The following CCDC38 variants were observed in gnomAD, a reference collection of about 807,000 sequenced individuals.
CCDC38 encodes the protein coiled-coil domain-containing protein 38.
Under a neutral mutation model 72.8 loss-of-function variants are expected in CCDC38, and 69 were observed. That is an observed-to-expected ratio of 0.95 (90% CI 0.78 to 1.16). The LOEUF (loss-of-function observed/expected upper bound fraction) is 1.16, where lower values mean the gene tolerates loss of function less well. CCDC38 is among the 50% of genes most tolerant of loss of function. CCDC38 has a pLI of 0.00. For missense variants in CCDC38, 626 were observed against 638.9 expected (o/e 0.98, Z 0.22); for synonymous variants, 201 against 213.2 (o/e 0.94, Z 0.50).
intron 5 of CCDC38, among the ~76,000 whole-genome samples, chr12:95,899,305 GT>G (rs1162036746): frequency 1.3e-5 from 2 of 152,050 alleles, no homozygotes; most frequent in Non-Finnish European, 2.9e-5. Flanking sequence ...TTTTTGTTTT[GT>G]TTTGTTTTTG....
At chr12:95,897,753 G>GT (rs1472146967) in intron 7 of CCDC38, among the ~76,000 whole-genome samples, 3 of 151,632 alleles carry the variant, frequency 2.0e-5, no homozygotes, top group Non-Finnish European at 4.4e-5. Flanking sequence ...ATAGATCTTA[G>GT]TTTTTTATTT....
intron 2 of CCDC38, among the ~76,000 whole-genome samples, chr12:95,931,372 C>G (rs1307504371): frequency 6.6e-6 from 1 of 152,216 alleles, no homozygotes; most frequent in Non-Finnish European, 1.5e-5. Flanking sequence ...CTTCCCATAT[C>G]AAGGTAATTA....
In CCDC38 at chr12:95,881,533, T is replaced by C. The variant is rs761415509; in HGVS notation, c.942A>G (p.Ser314=). ...KKSNLAESFG[S]EDSLEFLLDD... is the part of the protein sequence containing the mutation. ...CTAAAAGGAATTCCAAACTGTCTTC[T>C]GAACCGAAACTTTCAGCCAGGCTGT... is the stretch of plus-strand genomic sequence containing the variant. The change falls in exon 11 of 16, where the codon TCA becomes TCG. Residue 314 remains serine (S), a synonymous_variant. Coordinates refer to ENST00000344280, the MANE Select transcript of CCDC38 (RefSeq NM_182496.3). 2 of 1,609,684 alleles carry C rather than the reference T, an allele frequency of 1.2e-6. No individual in the cohort carries two copies. Among genetic ancestry groups the C allele is most frequent in the African/African-American group, 1.3e-5 (1 of 74,868 alleles).
At chr12:95,908,416 A>C in intron 4 of CCDC38, among the ~76,000 whole-genome samples, 1 of 129,048 alleles carries the variant, frequency 7.7e-6, no homozygotes, top group Non-Finnish European at 1.6e-5. Context: ...GCAGCAGTAC[A>C]GTCCAGCTTC....
chr12:95,883,306 T>C (rs1165941712), intron 10 of CCDC38, among the ~76,000 whole-genome samples: 1 of 152,186 alleles, frequency 6.6e-6, no homozygotes, highest in East Asian at 1.9e-4. Flanking sequence ...GTTTAAAACA[T>C]ACAGTGTCTC....
chr12:95,934,061 T>A (rs2080365460), intron 2 of CCDC38: 1 of 152,074 alleles, frequency 6.6e-6, no homozygotes, highest in African/African-American at 2.4e-5. Flanking sequence ...TGTATATATA[T>A]AATGTTAACT....
chr12:95,902,082 T>A (rs2079956134), intron 5 of CCDC38, among the ~76,000 whole-genome samples: 1 of 152,142 alleles, frequency 6.6e-6, no homozygotes, highest in African/African-American at 2.4e-5. Flanking sequence ...GGGGTGGGGT[T>A]GTTTTAAAAG....
intron 10 of CCDC38, chr12:95,885,261 T>C (rs1181537716): frequency 5.2e-5 from 8 of 153,302 alleles, no homozygotes; most frequent in African/African-American, 1.9e-4. Flanking sequence ...GACACAGATC[T>C]TCAGTGGATA....
chr12:95,925,554 C>A lies in CCDC38; in HGVS notation c.38-6578G>T, dbSNP rs566985794. ...TATTTCCTTCTCCTGCCTGATTGCC[C>A]TGGCCAGAACTTCCAACACGATGTT... On this transcript the variant is annotated intron_variant, in intron 2 of 15. Transcript: ENST00000344280. Among the ~76,000 whole-genome samples the A allele has an allele frequency of 1.3e-3, 205 of 152,246 alleles. 2 individuals are homozygous for A. Among genetic ancestry groups the A allele is most frequent in the Middle Eastern group, 6.8e-3 (2 of 294 alleles).
chr12:95,872,315 G>C lies in CCDC38; in HGVS notation c.1424C>G (p.Ser475Cys). The change falls in exon 14 of 16, where the codon TCC becomes TGC. Residue 475 changes from serine (S) to cysteine (C), a missense_variant. Coordinates refer to ENST00000344280, the MANE Select transcript of CCDC38 (RefSeq NM_182496.3). Reference sequence around the variant, plus strand: ...TGCCTCCACATTTTCTTTGGGAATGGATTCGATGAGGTCACACAGTTCTAC... The same window carrying C: ...TGCCTCCACATTTTCTTTGGGAATGCATTCGATGAGGTCACACAGTTCTAC... The part of the protein sequence containing the change: ...RLVELCDLIE[S>C]IPKENVEAIE... 5.0e-6 allele frequency: 8 copies of C among 1,614,082 alleles called. No individual in the cohort carries two copies. Among genetic ancestry groups the C allele is most frequent in the Non-Finnish European group, 6.8e-6 (8 of 1,180,010 alleles).
chr12:95,898,297 T>C, intron 7 of CCDC38, 88 bp downstream of exon 7: 1 of 1,218,140 alleles, frequency 8.2e-7, no homozygotes, highest in Non-Finnish European at 1.2e-6. Flanking sequence ...CTGATAAGGA[T>C]GATCAGGATT....
rs2079764068 is a variant in CCDC38, at chr12:95,886,747, T to G, written c.920+1711A>C. Among the ~76,000 whole-genome samples, 5 of 152,344 alleles carry G rather than the reference T, an allele frequency of 3.3e-5. No homozygotes were observed. The South Asian group carries it at 1.0e-3, about 32-fold the overall frequency. ...ATTAGCTACTAGGAAAATCAATTAA[T>G]ACCTACCAGAATAGTTAAAATAAAA... On this transcript the variant is annotated intron_variant, in intron 10 of 15. Coordinates refer to ENST00000344280, the MANE Select transcript of CCDC38 (RefSeq NM_182496.3).
chr12:95,917,383 C>T, intron 3 of CCDC38, 89 bp from the exon 4 acceptor site: 1 of 1,102,806 alleles, frequency 9.1e-7, no homozygotes, highest in South Asian at 1.6e-5. Flanking sequence ...ATAACATTTG[C>T]AACAAAAATC....
At chr12:95,918,018 T>C (rs1036653425) in intron 3 of CCDC38, among the ~76,000 whole-genome samples, 23 of 152,230 alleles carry the variant, frequency 1.5e-4, no homozygotes, top group African/African-American at 5.1e-4. Context: ...CACAAAACCA[T>C]ACAACACTTG....
chr12:95,879,537 C>T lies in CCDC38; in HGVS notation c.1142+107G>A, dbSNP rs1592757377. 3.1e-5 allele frequency: 22 copies of T among 702,862 alleles called. No individual in the cohort carries two copies. The East Asian group carries it at 5.6e-4, about 18-fold the overall frequency. The allele number at this position is 702,862 out of a possible 1,614,324, so 43.5% of individuals were successfully genotyped here. On this transcript the variant is annotated intron_variant, in intron 12 of 15. Coordinates refer to ENST00000344280, the MANE Select transcript of CCDC38 (RefSeq NM_182496.3). The surrounding 1 kb of genome is among the most constrained non-coding windows in gnomAD (Gnocchi z 5.5). ...AATGTAAACTATTAAAAACCCCAGC[C>T]TACATTCACAGAGACCACGAGGAAG... is the stretch of plus-strand genomic sequence containing the variant.
At chr12:95,898,236 T>C in intron 7 of CCDC38, 149 bp downstream of exon 7, 1 of 768,916 alleles carries the variant, frequency 1.3e-6, no homozygotes, top group African/African-American at 1.7e-5. Flanking sequence ...CAAATCTTGA[T>C]GGACAGGTTA....
intron 4 of CCDC38, among the ~76,000 whole-genome samples, chr12:95,916,379 G>GCCTGCCTGCCTGCCTTCCTT (rs1457231674): frequency 6.8e-6 from 1 of 147,348 alleles, no homozygotes; most frequent in Non-Finnish European, 1.5e-5. Context: ...TTGCCTGCCT[G>GCCTGCCTGCCTGCCTTCCTT]CCTTCCTTCC....
intron 15 of CCDC38, among the ~76,000 whole-genome samples, chr12:95,868,534 TATTA>T (rs1265907192): frequency 6.6e-6 from 1 of 152,200 alleles, no homozygotes; most frequent in Non-Finnish European, 1.5e-5. Flanking sequence ...TCATGGCACA[TATTA>T]ATTCCCATAC....
At chr12:95,912,294 A>G (rs766835677) in intron 4 of CCDC38, among the ~76,000 whole-genome samples, 46 of 152,212 alleles carry the variant, frequency 3.0e-4, no homozygotes, top group African/African-American at 1.1e-3. Context: ...GATGCAATCA[A>G]TAGAAGCCCA....
Sources: allele counts gnomAD v4.1 joint callset (sites outside exome capture counted in the v4.1 genomes callset), GRCh38; gene constraint gnomAD v4.1.1; non-coding constraint Gnocchi (gnomAD v3.1); transcripts MANE v1.5; gene names NCBI Gene and HGNC (gene_info 2026-07-23, HGNC 2026-07-21).